Variants in TMEM117 observed in about 807,000 individuals in gnomAD.
TMEM117 encodes transmembrane protein 117.
TMEM117 carries 27 observed loss-of-function variants against 52.4 expected under a neutral mutation model. The observed-to-expected ratio is 0.51, with a 90% confidence interval of 0.38 to 0.71. The LOEUF is 0.71. Among genes scored for constraint, TMEM117 ranks in the 30% least tolerant of loss-of-function variants. The pLI, the probability that TMEM117 is intolerant of heterozygous loss-of-function variation, is 0.00. For synonymous variants in TMEM117, 215 were observed against 206.3 expected, an observed-to-expected ratio of 1.04 and a Z score of -0.36; for missense variants, 556 against 630.5, an observed-to-expected ratio of 0.88 and a Z score of 1.26.
At chr12:44,353,101 G>A (rs1166822609) in intron 6 of TMEM117, among the ~76,000 whole-genome samples, 1 of 152,170 alleles carries the variant, frequency 6.6e-6, no homozygotes, top group African/African-American at 2.4e-5. Context: ...CTTCTTTTGA[G>A]CGGTGTCTGT....
At chr12:44,004,080 C>T (rs1946156872) in intron 3 of TMEM117, among the ~76,000 whole-genome samples, 1 of 152,188 alleles carries the variant, frequency 6.6e-6, no homozygotes, top group Non-Finnish European at 1.5e-5. Context: ...TCTGTTTCTG[C>T]TCAGACACAT....
chr12:44,229,499 A>G lies in TMEM117; in HGVS notation c.608+18112A>G, dbSNP rs1021225729. Among the ~76,000 whole-genome samples the G allele has an allele frequency of 2.0e-5, 3 of 152,254 alleles. No individual in the cohort carries two copies. The East Asian group carries it at 5.8e-4, about 29-fold the overall frequency. On this transcript the variant is annotated intron_variant, in intron 5 of 7. Transcript: ENST00000266534. ...GAACATGTGCTCATGGGGTCCAGGTAAATGTACCATGCTACAGGAAAAGAC... is the reference window on the plus strand; with the variant it reads ...GAACATGTGCTCATGGGGTCCAGGTGAATGTACCATGCTACAGGAAAAGAC...
chr12:43,854,961 AC>A (rs776198357), intron 2 of TMEM117, among the ~76,000 whole-genome samples: 3 of 152,080 alleles, frequency 2.0e-5, no homozygotes, highest in Non-Finnish European at 4.4e-5. Context: ...CTTATCCAAA[AC>A]CTTGAGGCCA....
intron 5 of TMEM117, among the ~76,000 whole-genome samples, chr12:44,283,618 C>A (rs1258492166): frequency 2.0e-5 from 3 of 152,160 alleles, no homozygotes; most frequent in African/African-American, 7.2e-5. Context: ...AAGTAACTAG[C>A]TTGCTTTTGA....
intron 6 of TMEM117, among the ~76,000 whole-genome samples, chr12:44,321,874 T>A (rs1259307994): frequency 6.6e-6 from 1 of 152,212 alleles, no homozygotes. Flanking sequence ...GTGGCAAATG[T>A]ATCTTTAAAT....
chr12:44,339,115 G>T (rs1951382078), intron 6 of TMEM117, among the ~76,000 whole-genome samples: 1 of 151,910 alleles, frequency 6.6e-6, no homozygotes, highest in Non-Finnish European at 1.5e-5. Flanking sequence ...ATTAAACACT[G>T]GTATCTATGC....
intron 6 of TMEM117, among the ~76,000 whole-genome samples, chr12:44,361,444 T>C (rs1172381488): frequency 6.6e-6 from 1 of 152,192 alleles, no homozygotes. Context: ...CCTGTAAGTA[T>C]TGTTTAACTT....
intron 2 of TMEM117, among the ~76,000 whole-genome samples, chr12:43,899,245 T>G (rs1944264432): frequency 6.6e-6 from 1 of 152,234 alleles, no homozygotes; most frequent in Non-Finnish European, 1.5e-5. Flanking sequence ...CAATGAACTT[T>G]GTAAGGTAGT....
In TMEM117 at chr12:44,376,720, A is replaced by G; in HGVS notation, c.894A>G (p.Ile298Met). ...KIFKEEYRIH[I>M]TGKWFNYGII... ...TCAAGGAGGAATATCGTATTCACAT[A>G]ACAGGTGTGTTATATCTTTGAACAC... The change falls in exon 7 of 8, where the codon ATA becomes ATG. Residue 298 changes from isoleucine (I) to methionine (M), a missense_variant. By Grantham distance (10) the Ile-to-Met change is conservative (BLOSUM62 1). This residue lies in a region of TMEM117 where 328 missense variants were observed against 371.4 expected (regional missense o/e 0.88). Transcript: ENST00000266534. 6.2e-7 allele frequency: 1 copy of G among 1,602,884 alleles called. No individual in the cohort carries two copies. Among genetic ancestry groups the G allele is most frequent in the Non-Finnish European group, 8.5e-7 (1 of 1,176,460 alleles).
chr12:44,239,184 C>T lies in TMEM117; in HGVS notation c.608+27797C>T, dbSNP rs1182379720. 2.0e-5 allele frequency among the ~76,000 whole-genome samples: 3 copies of T among 152,104 alleles called. No individual in the cohort carries two copies. The East Asian group carries it at 5.8e-4, about 29-fold the overall frequency. On this transcript the variant is annotated intron_variant, in intron 5 of 7. Coordinates refer to ENST00000266534, the MANE Select transcript of TMEM117 (RefSeq NM_032256.3). Reference sequence around the variant, plus strand: ...TCTTTCACGGTATTATGTTTCTCAACTTTTTATTAGTCACAAATTTCATAA... The same window carrying T: ...TCTTTCACGGTATTATGTTTCTCAATTTTTTATTAGTCACAAATTTCATAA...
At chr12:44,356,539 C>T (rs909411975) in intron 6 of TMEM117, among the ~76,000 whole-genome samples, 7 of 152,068 alleles carry the variant, frequency 4.6e-5, no homozygotes, top group African/African-American at 7.2e-5. Context: ...TGCAGATCCA[C>T]GTTTCCAGCT....
chr12:43,899,319 C>A (rs1313033239), intron 2 of TMEM117, among the ~76,000 whole-genome samples: 1 of 152,124 alleles, frequency 6.6e-6, no homozygotes, highest in Non-Finnish European at 1.5e-5. Flanking sequence ...TGTTTATAAA[C>A]CACAGTGACA....
chr12:44,322,089 G>T (rs1472237427), intron 6 of TMEM117, among the ~76,000 whole-genome samples: 1 of 152,142 alleles, frequency 6.6e-6, no homozygotes, highest in Non-Finnish European at 1.5e-5. Context: ...TGTAACAAGG[G>T]CGTAATTTCA....
At chr12:43,957,483 A>C (rs1177609104) in intron 3 of TMEM117, among the ~76,000 whole-genome samples, 1 of 152,166 alleles carries the variant, frequency 6.6e-6, no homozygotes, top group Non-Finnish European at 1.5e-5. Flanking sequence ...CATCAATAGA[A>C]AACTATTTTC....
chr12:44,128,373 A>T (rs574324201), intron 3 of TMEM117, among the ~76,000 whole-genome samples: 10 of 152,324 alleles, frequency 6.6e-5, no homozygotes, highest in African/African-American at 2.2e-4. Context: ...TCTCATGCAC[A>T]ACATTTTACA....
At chr12:44,040,158 A>G (rs924177863) in intron 3 of TMEM117, among the ~76,000 whole-genome samples, 2 of 152,142 alleles carry the variant, frequency 1.3e-5, no homozygotes, top group African/African-American at 4.8e-5. Flanking sequence ...GATGTGGAGT[A>G]GTGTGCCATT....
chr12:44,242,275 C>T (rs1056768095), intron 5 of TMEM117, among the ~76,000 whole-genome samples: 2 of 151,528 alleles, frequency 1.3e-5, no homozygotes, highest in Non-Finnish European at 3.0e-5. Flanking sequence ...TTTTTTTCTA[C>T]TCCACATCCT....
At chr12:43,946,289 T>C (rs1404309436) in intron 3 of TMEM117, among the ~76,000 whole-genome samples, 1 of 151,496 alleles carries the variant, frequency 6.6e-6, no homozygotes, top group Non-Finnish European at 1.5e-5. Flanking sequence ...CTGTGAAAAC[T>C]ACATTTTAAA....
chr12:43,812,831 C>T, the TMEM117 span, among the ~76,000 whole-genome samples: 4 of 149,298 alleles, frequency 2.7e-5, no homozygotes, highest in Non-Finnish European at 4.4e-5. Context: ...AAAGTGAGGC[C>T]TCCCACTCCC....
Sources: gnomAD v4.1 joint callset for allele counts (sites outside exome capture counted in the v4.1 genomes callset) on GRCh38, gnomAD v4.1.1 for gene constraint, gnomAD v4.1.1 regional missense constraint, MANE v1.5 for transcripts, NCBI Gene and HGNC (gene_info 2026-07-23, HGNC 2026-07-21) for gene names.